The following MAGI2 variants were observed in gnomAD, a reference collection of about 807,000 sequenced individuals.
MAGI2 encodes membrane-associated guanylate kinase, WW and PDZ domain-containing protein 2.
MAGI2 carries 35 observed loss-of-function variants against 133.3 expected under a neutral mutation model. That is an observed-to-expected ratio of 0.26 (90% CI 0.20 to 0.35). The LOEUF (loss-of-function observed/expected upper bound fraction) is 0.35. Among genes scored for constraint, MAGI2 ranks in the 10% least tolerant of loss-of-function variants. MAGI2 has a pLI of 1.00. For synonymous variants in MAGI2, 729 were observed against 710.6 expected, an observed-to-expected ratio of 1.03 and a Z score of -0.41; for missense variants, 1,636 against 1,863.4, an observed-to-expected ratio of 0.88 and a Z score of 2.25.
At chr7:78,842,693 A>T (rs990729133) in intron 2 of MAGI2, among the ~76,000 whole-genome samples, 1 of 151,824 alleles carries the variant, frequency 6.6e-6, no homozygotes, top group Non-Finnish European at 1.5e-5. Flanking sequence ...TGAAGAAAAA[A>T]ATCCTATATG....
At chr7:78,190,253 T>C (rs554248241) in intron 12 of MAGI2, among the ~76,000 whole-genome samples, 1 of 152,344 alleles carries the variant, frequency 6.6e-6, no homozygotes, top group African/African-American at 2.4e-5. Flanking sequence ...GTTTGGCTAC[T>C]AACACAAGTC....
At chr7:79,027,744 A>G (rs1019998099) in intron 1 of MAGI2, among the ~76,000 whole-genome samples, 3 of 152,150 alleles carry the variant, frequency 2.0e-5, no homozygotes, top group African/African-American at 7.2e-5. Context: ...TAATTATTCC[A>G]TCTTGTATTA....
intron 2 of MAGI2, among the ~76,000 whole-genome samples, chr7:78,831,626 A>G (rs1791159316): frequency 1.3e-5 from 2 of 152,190 alleles, no homozygotes; most frequent in South Asian, 2.1e-4. Context: ...TTTTCAGAAC[A>G]ATGTAACAGT....
At chr7:78,507,289 T>C (rs991183590) in intron 4 of MAGI2, among the ~76,000 whole-genome samples, 2 of 152,174 alleles carry the variant, frequency 1.3e-5, no homozygotes, top group Non-Finnish European at 2.9e-5. Flanking sequence ...TACGGTTTAA[T>C]GTGAGAATCA....
intron 1 of MAGI2, among the ~76,000 whole-genome samples, chr7:79,403,216 A>C (rs1049289675): frequency 3.9e-5 from 6 of 152,174 alleles, no homozygotes; most frequent in Admixed American, 1.3e-4. Flanking sequence ...AGAATAGCCC[A>C]AAAGTTTTTT....
chr7:78,229,705 A>G (rs1563294580), intron 10 of MAGI2, among the ~76,000 whole-genome samples: 1 of 152,202 alleles, frequency 6.6e-6, no homozygotes, highest in Non-Finnish European at 1.5e-5. Flanking sequence ...CCAGGTTCCT[A>G]AATAGGAAGG....
chr7:78,985,742 C>A (rs1452553259), intron 2 of MAGI2, among the ~76,000 whole-genome samples: 1 of 152,014 alleles, frequency 6.6e-6, no homozygotes, highest in Non-Finnish European at 1.5e-5. Flanking sequence ...TTAGAGGAGA[C>A]CTTCTATAAT....
chr7:79,140,293 T>C (rs987337118), intron 1 of MAGI2, among the ~76,000 whole-genome samples: 4 of 152,246 alleles, frequency 2.6e-5, no homozygotes, highest in African/African-American at 9.6e-5. Flanking sequence ...TGATTCACTA[T>C]ATTTTTGCAA....
At chr7:79,076,080 C>A (rs1815435109) in intron 1 of MAGI2, among the ~76,000 whole-genome samples, 1 of 152,142 alleles carries the variant, frequency 6.6e-6, no homozygotes, top group Admixed American at 6.5e-5. Flanking sequence ...AAAAGACAAG[C>A]AAAAATATGG....
intron 1 of MAGI2, among the ~76,000 whole-genome samples, chr7:79,107,127 T>G (rs548902539): frequency 1.3e-3 from 199 of 152,290 alleles, no homozygotes; most frequent in Non-Finnish European, 2.3e-3. Flanking sequence ...GAGATTAGCC[T>G]CAAATATCCA....
chr7:78,126,799 T>C (rs1210087967), intron 19 of MAGI2, among the ~76,000 whole-genome samples: 3 of 152,204 alleles, frequency 2.0e-5, no homozygotes, highest in Middle Eastern at 3.2e-3. Flanking sequence ...TAAAAAAATA[T>C]GGACCTAAAA....
At chr7:79,113,798 T>G (rs1269940657) in intron 1 of MAGI2, among the ~76,000 whole-genome samples, 2 of 132,464 alleles carry the variant, frequency 1.5e-5, no homozygotes, top group African/African-American at 5.4e-5. Flanking sequence ...AATCTCCTCC[T>G]ATTACACACG....
At chr7:78,057,999 A>ATGTGTGTGTTTGTGTGTGTGTGTGTG (rs762405456) in intron 21 of MAGI2, among the ~76,000 whole-genome samples, 1 of 108,582 alleles carries the variant, frequency 9.2e-6, no homozygotes, top group Admixed American at 8.4e-5. Flanking sequence ...ATATATATAT[A>ATGTGTGTGTTTGTGTGTGTGTGTGTG]TATATGTATG....
intron 1 of MAGI2, among the ~76,000 whole-genome samples, chr7:79,133,524 T>A (rs554403838): frequency 1.3e-4 from 20 of 152,336 alleles, no homozygotes; most frequent in African/African-American, 4.8e-4. Flanking sequence ...TTATTTTTTA[T>A]ACCAGTATCA....
intron 1 of MAGI2, among the ~76,000 whole-genome samples, chr7:79,127,188 T>C (rs2129545057): frequency 6.6e-6 from 1 of 152,344 alleles, no homozygotes; most frequent in Middle Eastern, 3.4e-3. Context: ...ATTTTCTTAA[T>C]CTGGTCTATC....
chr7:78,176,574 C>T lies in MAGI2; in HGVS notation c.2403+1437G>A, dbSNP rs1005332180. Among the ~76,000 whole-genome samples the T allele has an allele frequency of 4.6e-5, 7 of 152,148 alleles. No individual in the cohort carries two copies. The East Asian group carries it at 5.8e-4, about 13-fold the overall frequency. The stretch of plus-strand genomic sequence containing the variant: ...CTTGTGGGAAGGAGCCCACTCTTCA[C>T]CCAGGCAATCTACTTTACTCTGAGA... On this transcript the variant is annotated intron_variant, in intron 14 of 21. Coordinates refer to ENST00000354212, the MANE Select transcript of MAGI2 (RefSeq NM_012301.4).
chr7:79,322,589 C>A (rs1839271434), intron 1 of MAGI2, among the ~76,000 whole-genome samples: 1 of 151,732 alleles, frequency 6.6e-6, no homozygotes, highest in African/African-American at 2.4e-5. Flanking sequence ...AGTTTGAGAC[C>A]AGCCTGGTCA....
At chr7:79,391,845 G>A (rs1044147283) in intron 1 of MAGI2, among the ~76,000 whole-genome samples, 2 of 151,652 alleles carry the variant, frequency 1.3e-5, no homozygotes, top group African/African-American at 2.4e-5. Context: ...CACCACACCC[G>A]GCTAATTTTT....
chr7:78,811,122 T>G (rs1789008302), intron 2 of MAGI2, among the ~76,000 whole-genome samples: 1 of 151,838 alleles, frequency 6.6e-6, no homozygotes, highest in African/African-American at 2.4e-5. Flanking sequence ...TATAAAGTAT[T>G]AGTAATCTGG....
Sources: allele counts gnomAD v4.1 joint callset (sites outside exome capture counted in the v4.1 genomes callset), GRCh38; gene constraint gnomAD v4.1.1; transcripts MANE v1.5; gene names NCBI Gene and HGNC (gene_info 2026-07-23, HGNC 2026-07-21).